NR3C1: variants seen among roughly 807,000 people sequenced by gnomAD.
NR3C1 encodes the protein glucocorticoid receptor.
Under a neutral mutation model 74.0 loss-of-function variants are expected in NR3C1, and 14 were observed. The observed-to-expected ratio is 0.19, with a 90% CI of 0.12 to 0.30. The LOEUF (loss-of-function observed/expected upper bound fraction) is 0.30, where lower values mean the gene tolerates loss of function less well. Among genes scored for constraint, NR3C1 ranks in the 10% least tolerant of loss-of-function variants. The probability of loss-of-function intolerance (pLI) is 1.00; values close to 1 mark genes in which losing one functional copy is unlikely to be tolerated. For synonymous variants in NR3C1, 308 were observed against 332.5 expected, an observed-to-expected ratio of 0.93 and a Z score of 0.80; for missense variants, 695 against 909.8, an observed-to-expected ratio of 0.76 and a Z score of 3.04.
upstream of NR3C1, chr5:143,404,148 G>T: frequency 2.0e-6 from 2 of 985,366 alleles, no homozygotes; most frequent in Non-Finnish European, 2.4e-6. Flanking sequence ...GGGTGACAGC[G>T]GGCGGGCCAC....
intron 2 of NR3C1, among the ~76,000 whole-genome samples, chr5:143,372,672 C>T (rs187138564): frequency 1.3e-5 from 2 of 152,266 alleles, no homozygotes; most frequent in Non-Finnish European, 2.9e-5. Context: ...GCCTATCAAA[C>T]ATAAGCCCTT....
Position 143,281,748 on chromosome 5 carries a change from T to A in NR3C1, c.*141A>T, listed in dbSNP as rs1449619443. 2.6e-5 allele frequency: 23 copies of A among 872,214 alleles called. No homozygotes were observed. The highest frequency in any genetic ancestry group is 4.1e-5 in the Non-Finnish European group (23 of 563,310). 54.0% of individuals were successfully genotyped at this position (872,214 alleles called of 1,614,324 possible). On this transcript the variant is annotated 3_prime_UTR_variant, in exon 9 of 9. Coordinates refer to ENST00000394464, the MANE Select transcript of NR3C1 (RefSeq NM_000176.3). ...AAGTCTTGGCCCTCTATAAACCACA[T>A]GTAGTGCGTATTTAAAACAAAACAA...
At chr5:143,387,091 T>A (rs10482628) in intron 2 of NR3C1, among the ~76,000 whole-genome samples, 2,542 of 152,104 alleles carry the variant, frequency 0.017, 29 homozygotes, top group Middle Eastern at 0.054. Context: ...TTGATAAGAG[T>A]AATAAGAGTT....
chr5:143,423,469 G>T (rs1055964951), intron 1 of NR3C1, among the ~76,000 whole-genome samples: 2 of 152,094 alleles, frequency 1.3e-5, no homozygotes, highest in African/African-American at 4.8e-5. Context: ...TCTCAAAAGT[G>T]TGGAGAAAGG....
At chr5:143,371,173 G>T (rs1230492470) in intron 2 of NR3C1, among the ~76,000 whole-genome samples, 1 of 152,002 alleles carries the variant, frequency 6.6e-6, no homozygotes, top group Admixed American at 6.6e-5. Flanking sequence ...GTCATTATAT[G>T]TACATCTTCT....
chr5:143,327,591 T>G (rs1824910635), intron 2 of NR3C1, among the ~76,000 whole-genome samples: 1 of 152,212 alleles, frequency 6.6e-6, no homozygotes, highest in Admixed American at 6.5e-5. Flanking sequence ...AAAAGCAAGT[T>G]AGTTACTTCC....
intron 2 of NR3C1, among the ~76,000 whole-genome samples, chr5:143,361,430 C>T (rs557485395): frequency 1.3e-5 from 2 of 152,138 alleles, no homozygotes; most frequent in Admixed American, 1.3e-4. Flanking sequence ...ATATAAGTGG[C>T]ATTCAAGGTA....
intron 2 of NR3C1, among the ~76,000 whole-genome samples, chr5:143,379,805 A>C (rs1355203593): frequency 6.6e-6 from 1 of 152,236 alleles, no homozygotes; most frequent in South Asian, 2.1e-4. Flanking sequence ...AACTGACAGC[A>C]GATACGCTGA....
At chr5:143,388,600 A>G (rs1837683873) in intron 2 of NR3C1, among the ~76,000 whole-genome samples, 1 of 152,212 alleles carries the variant, frequency 6.6e-6, no homozygotes, top group Non-Finnish European at 1.5e-5. Context: ...AAAGACTGTG[A>G]AAGATTCTAC....
chr5:143,402,258 C>T (rs1840431789), intron 1 of NR3C1, among the ~76,000 whole-genome samples: 1 of 152,144 alleles, frequency 6.6e-6, no homozygotes, highest in South Asian at 2.1e-4. Flanking sequence ...AACCCGAAAC[C>T]AAAACAATAT....
At chr5:143,427,033 C>T (rs1186542411) in intron 1 of NR3C1, among the ~76,000 whole-genome samples, 1 of 152,292 alleles carries the variant, frequency 6.6e-6, no homozygotes, top group East Asian at 1.9e-4. Context: ...TTCTTCATTT[C>T]TGTTCCTTTT....
rs763166631 is a variant in NR3C1, at chr5:143,333,964, G to A, written c.1185-19796C>T. Among the ~76,000 whole-genome samples the A allele has an allele frequency of 1.8e-3, 276 of 152,130 alleles. 7 individuals carry two copies. The highest frequency in any genetic ancestry group is 4.1e-3 in the Admixed American group (62 of 15,270). ...GTCATACTCTTAGGTGACAAACTGCGGTAAATTTTTTATCAGTGAAGTGGA... is the reference window on the plus strand; with the variant it reads ...GTCATACTCTTAGGTGACAAACTGCAGTAAATTTTTTATCAGTGAAGTGGA... On this transcript the variant is annotated intron_variant, in intron 2 of 8. Coordinates refer to ENST00000394464, the MANE Select transcript of NR3C1 (RefSeq NM_000176.3).
chr5:143,281,802 CA>C lies in NR3C1; in HGVS notation c.*86del, dbSNP rs1813154438. 1.4e-6 allele frequency: 2 copies of C among 1,385,604 alleles called. No homozygotes were observed. The highest frequency in any genetic ancestry group is 2.0e-6 in the Non-Finnish European group (2 of 987,498). The allele number at this position is 1,385,604 out of a possible 1,614,324, so 85.8% of individuals were successfully genotyped here. A position where few individuals can be genotyped will look rare whatever the true frequency, so the allele number is the denominator to read the frequency against. On this transcript the variant is annotated 3_prime_UTR_variant, in exon 9 of 9. Transcript: ENST00000394464. ...ATGAAAACAATAAAAAATAAAACAACAAAACCTCTACAGGACAAACTGATAG... is the reference window on the plus strand; with the variant it reads ...ATGAAAACAATAAAAAATAAAACAACAAACCTCTACAGGACAAACTGATAG...
chr5:143,305,997 T>C (rs1819520544), intron 4 of NR3C1, among the ~76,000 whole-genome samples: 1 of 152,216 alleles, frequency 6.6e-6, no homozygotes, highest in South Asian at 2.1e-4. Flanking sequence ...AAGCTTCATT[T>C]GACTGTTTAT....
At chr5:143,318,904 A>G (rs1054569213) in intron 2 of NR3C1, among the ~76,000 whole-genome samples, 6 of 152,232 alleles carry the variant, frequency 3.9e-5, no homozygotes, top group East Asian at 3.8e-4. Flanking sequence ...TTGCTTCTTC[A>G]AAGATTTTAA....
intron 4 of NR3C1, among the ~76,000 whole-genome samples, chr5:143,301,152 C>CTA (rs1008829699): frequency 1.2e-4 from 18 of 151,828 alleles, no homozygotes; most frequent in African/African-American, 4.3e-4. Context: ...ATTACTCTTA[C>CTA]TATAAACTGA....
chr5:143,349,406 C>T (rs1242164118), intron 2 of NR3C1, among the ~76,000 whole-genome samples: 2 of 152,128 alleles, frequency 1.3e-5, no homozygotes, highest in African/African-American at 4.8e-5. Flanking sequence ...CCTAATCCTT[C>T]TTACTATAAT....
chr5:143,407,831 G>C (rs777884419), upstream of NR3C1, among the ~76,000 whole-genome samples: 4 of 152,050 alleles, frequency 2.6e-5, no homozygotes, highest in African/African-American at 7.2e-5. Flanking sequence ...ACTAAATCAG[G>C]CTGTGCTCCT....
chr5:143,282,142 T>C, intron 8 of NR3C1, 101 bp from the exon 9 acceptor site: 1 of 1,201,618 alleles, frequency 8.3e-7, no homozygotes, highest in Non-Finnish European at 1.2e-6. Context: ...TGGCCTAGAA[T>C]ATACCAATCT....
Sources: allele counts gnomAD v4.1 joint callset (sites outside exome capture counted in the v4.1 genomes callset), GRCh38; gene constraint gnomAD v4.1.1; transcripts MANE v1.5; gene names NCBI Gene and HGNC (gene_info 2026-07-23, HGNC 2026-07-21).